Variants in TMEFF2 observed in about 807,000 individuals in gnomAD.
The protein encoded by TMEFF2 is tomoregulin-2.
Under a neutral mutation model 53.8 loss-of-function variants are expected in TMEFF2, and 28 were observed. The observed-to-expected ratio is 0.52, with a 90% CI of 0.39 to 0.71. The LOEUF is 0.71. Among genes scored for constraint, TMEFF2 ranks in the 30% least tolerant of loss-of-function variants. The pLI is 0.00. For synonymous variants in TMEFF2, 162 were observed against 166.3 expected, an observed-to-expected ratio of 0.97 and a Z score of 0.20; for missense variants, 353 against 455.2, an observed-to-expected ratio of 0.78 and a Z score of 2.04.
chr2:192,005,338 A>G (rs1177180902), intron 5 of TMEFF2, among the ~76,000 whole-genome samples: 8 of 152,156 alleles, frequency 5.3e-5, no homozygotes, highest in Admixed American at 5.2e-4. Context: ...TCCAAGGATG[A>G]TCTGCAATGA....
Position 191,950,129 on chromosome 2 carries a change from GTATAC to G in TMEFF2, c.*177_*181del. 7.3e-7 allele frequency: 1 copy of G among 1,369,944 alleles called. No homozygotes were observed. Among genetic ancestry groups the G allele is most frequent in the South Asian group, 1.9e-5 (1 of 53,846 alleles). 84.9% of individuals were successfully genotyped at this position (1,369,944 alleles called of 1,614,324 possible). A position where few individuals can be genotyped will look rare whatever the true frequency, so the allele number is the denominator to read the frequency against. Reference sequence around the variant, plus strand: ...ATTACAGAAAAAACATCAAGACAATGTATACTATTTCAAATATATCCATACATAAT... The same window carrying G: ...ATTACAGAAAAAACATCAAGACAATGTATTTCAAATATATCCATACATAAT... On this transcript the variant is annotated 3_prime_UTR_variant, in exon 10 of 10. Transcript: ENST00000272771.
chr2:192,184,605 G>T, intron 2 of TMEFF2, 122 bp from the exon 3 acceptor site: 1 of 1,286,098 alleles, frequency 7.8e-7, no homozygotes, highest in Non-Finnish European at 1.1e-6. Flanking sequence ...GATTCTAATT[G>T]TGTCCAATAA....
intron 4 of TMEFF2, among the ~76,000 whole-genome samples, chr2:192,140,828 C>T (rs1242652326): frequency 6.6e-6 from 1 of 152,144 alleles, no homozygotes; most frequent in African/African-American, 2.4e-5. Context: ...TGAGCTTGCA[C>T]GTATTTTAGC....
At chr2:192,115,275 A>C (rs1689376288) in intron 4 of TMEFF2, among the ~76,000 whole-genome samples, 1 of 152,024 alleles carries the variant, frequency 6.6e-6, no homozygotes, top group Non-Finnish European at 1.5e-5. Context: ...GCCAAGAAAT[A>C]AACCTATGTA....
chr2:191,964,366 T>TCTCTCTCTC (rs1692386561), intron 7 of TMEFF2, among the ~76,000 whole-genome samples: 1 of 89,760 alleles, frequency 1.1e-5, no homozygotes, highest in Non-Finnish European at 2.1e-5. Flanking sequence ...CTTTCTTTCT[T>TCTCTCTCTC]TCTTTCTCTT....
At chr2:192,148,177 T>C (rs1418164652) in intron 4 of TMEFF2, among the ~76,000 whole-genome samples, 1 of 151,992 alleles carries the variant, frequency 6.6e-6, no homozygotes, top group African/African-American at 2.4e-5. Flanking sequence ...TCCTCAGCAG[T>C]GATACACTGG....
chr2:192,173,019 A>G (rs1482807336), intron 4 of TMEFF2, among the ~76,000 whole-genome samples: 1 of 151,952 alleles, frequency 6.6e-6, no homozygotes, highest in African/African-American at 2.4e-5. Flanking sequence ...AAGACAGGAT[A>G]GCTAATGGGT....
rs545393824 is a variant in TMEFF2, at chr2:191,977,200, A to T, written c.746-20822T>A. Among the ~76,000 whole-genome samples the T allele has an allele frequency of 2.6e-5, 4 of 152,344 alleles. No homozygotes were observed. The South Asian group carries it at 8.3e-4, about 32-fold the overall frequency. Reference sequence around the variant, plus strand: ...CATGCTGGACCAATAGACACAAAAAACTTAGACGGGAGAGAGAGCATGGCT... The same window carrying T: ...CATGCTGGACCAATAGACACAAAAATCTTAGACGGGAGAGAGAGCATGGCT... On this transcript the variant is annotated intron_variant, in intron 7 of 9. Coordinates refer to ENST00000272771, the MANE Select transcript of TMEFF2 (RefSeq NM_016192.4).
At chr2:192,077,137 C>T (rs1688451102) in intron 4 of TMEFF2, among the ~76,000 whole-genome samples, 1 of 152,098 alleles carries the variant, frequency 6.6e-6, no homozygotes, top group African/African-American at 2.4e-5. Context: ...AAGGCATTTC[C>T]TGACCAGAAG....
intron 4 of TMEFF2, among the ~76,000 whole-genome samples, chr2:192,171,305 G>A (rs1181019182): frequency 6.6e-6 from 1 of 152,020 alleles, no homozygotes; most frequent in Non-Finnish European, 1.5e-5. Context: ...GAGATACTGT[G>A]ATCCCCAAAT....
chr2:192,022,999 T>A lies in TMEFF2; in HGVS notation c.537-23791A>T, dbSNP rs554519535. 2.9e-3 allele frequency among the ~76,000 whole-genome samples: 438 copies of A among 151,992 alleles called. 2 individuals are homozygous for A. Among genetic ancestry groups the A allele is most frequent in the African/African-American group, 0.01 (416 of 41,280 alleles). ...GAAGATAGAAAAGACATTGAAGATT[T>A]TTTTATCTTTTTTTTTACTTGCTTA... On this transcript the variant is annotated intron_variant, in intron 5 of 9. Coordinates refer to ENST00000272771, the MANE Select transcript of TMEFF2 (RefSeq NM_016192.4).
intron 5 of TMEFF2, among the ~76,000 whole-genome samples, chr2:192,021,429 G>A (rs1462672061): frequency 6.6e-6 from 1 of 151,968 alleles, no homozygotes; most frequent in Non-Finnish European, 1.5e-5. Flanking sequence ...AAAGACAAAG[G>A]GTGAAACAGA....
chr2:191,975,605 AG>A (rs111404287), intron 7 of TMEFF2, among the ~76,000 whole-genome samples: 1 of 151,682 alleles, frequency 6.6e-6, no homozygotes, highest in East Asian at 2.0e-4. Context: ...CTTCTTTAGT[AG>A]TTTTATTTTT....
At chr2:192,098,304 A>T (rs1035814102) in intron 4 of TMEFF2, among the ~76,000 whole-genome samples, 1 of 152,178 alleles carries the variant, frequency 6.6e-6, no homozygotes, top group Non-Finnish European at 1.5e-5. Flanking sequence ...ATTTAAAATT[A>T]TGTGTGTTTA....
chr2:192,106,678 C>G (rs1689157127), intron 4 of TMEFF2, among the ~76,000 whole-genome samples: 1 of 151,966 alleles, frequency 6.6e-6, no homozygotes, highest in African/African-American at 2.4e-5. Flanking sequence ...TACTCCCTAT[C>G]TGCATGACAC....
intron 7 of TMEFF2, among the ~76,000 whole-genome samples, chr2:191,980,725 T>C (rs1203122707): frequency 6.6e-6 from 1 of 152,114 alleles, no homozygotes; most frequent in Admixed American, 6.6e-5. Flanking sequence ...GTCATCTATG[T>C]TGATGAAGAC....
Position 192,017,251 on chromosome 2 carries a change from C to G in TMEFF2, c.537-18043G>C, listed in dbSNP as rs552455280. 1.9e-4 allele frequency among the ~76,000 whole-genome samples: 29 copies of G among 152,152 alleles called. No homozygotes were observed. The South Asian group carries it at 6.0e-3, about 32-fold the overall frequency. On this transcript the variant is annotated intron_variant, in intron 5 of 9. Coordinates refer to ENST00000272771, the MANE Select transcript of TMEFF2 (RefSeq NM_016192.4). ...GCCAGGTCATGCAGCAGGTATATGA[C>G]CTGCTAAGGACTTTGAAATTAACCA...
intron 5 of TMEFF2, among the ~76,000 whole-genome samples, chr2:192,054,754 A>G (rs1026830828): frequency 1.3e-5 from 2 of 152,180 alleles, no homozygotes; most frequent in African/African-American, 4.8e-5. Context: ...TTGAATTGTT[A>G]TGCTAACAAC....
rs114559361 is a variant in TMEFF2, at chr2:192,184,295, G to A, written c.412+59C>T. The A allele has an allele frequency of 8.0e-4, 1,274 of 1,589,082 alleles. 11 individuals are homozygous for A. The African/African-American group carries it at 0.015, about 19-fold the overall frequency. ...TATTGGGAGATAACAAGAAATGAAA[G>A]ACATGGTTTTTGGATTTGGAATCCA... On this transcript the variant is annotated intron_variant, in intron 3 of 9. Coordinates refer to ENST00000272771, the MANE Select transcript of TMEFF2 (RefSeq NM_016192.4).
Sources: gnomAD v4.1 joint callset for allele counts (sites outside exome capture counted in the v4.1 genomes callset) on GRCh38, gnomAD v4.1.1 for gene constraint, MANE v1.5 for transcripts, NCBI Gene and HGNC (gene_info 2026-07-23, HGNC 2026-07-21) for gene names.